The following GJC1 variants were observed in gnomAD, a reference collection of about 807,000 sequenced individuals.
GJC1 encodes gap junction protein gamma 1, also known as gap junction gamma-1 protein.
In GJC1, 5 loss-of-function variants were observed where a neutral mutation model predicts 29.3. The ratio of observed to expected loss-of-function variants is 0.17; its 90% CI spans 0.09 to 0.36. GJC1 has a LOEUF of 0.36. Among genes scored for constraint, GJC1 ranks in the 10% least tolerant of loss-of-function variants. The probability of loss-of-function intolerance (pLI) is 1.00; values close to 1 mark genes in which losing one functional copy is unlikely to be tolerated. For missense variants in GJC1, 310 were observed against 496.2 expected (o/e 0.62, Z 3.56); for synonymous variants, 177 against 183.3 (o/e 0.97, Z 0.28).
Position 44,805,362 on chromosome 17 carries a change from A to G in GJC1, c.456T>C (p.Asn152=), listed in dbSNP as rs1306748022. Residue 152 remains asparagine, a synonymous_variant, in exon 3 of 3, where the codon AAT becomes AAC. Transcript: ENST00000592524. This position sits in a 1 kb window ranked among gnomAD's most constrained non-coding sequence, Gnocchi z 5.1. ...PEMELESDKE[N]KEQSQPKPKH... ...TAGGTTTGGGTTGGCTCTGCTCTTTATTTTCCTTATCACTTTCTAACTCCA... is the reference window on the plus strand; with the variant it reads ...TAGGTTTGGGTTGGCTCTGCTCTTTGTTTTCCTTATCACTTTCTAACTCCA... 6.2e-7 allele frequency: 1 copy of G among 1,613,954 alleles called. No homozygotes were observed. Among genetic ancestry groups the G allele is most frequent in the South Asian group, 1.1e-5 (1 of 91,068 alleles).
intron 1 of GJC1, among the ~76,000 whole-genome samples, chr17:44,812,392 C>T (rs2049993078): frequency 6.6e-6 from 1 of 152,140 alleles, no homozygotes; most frequent in African/African-American, 2.4e-5. Context: ...CCTATTGTTC[C>T]ATTACTGGAA....
chr17:44,830,944 CCA>C (rs1184148544), upstream of GJC1: 1 of 370,064 alleles, frequency 2.7e-6, no homozygotes, highest in Non-Finnish European at 4.8e-6. This position sits in a 1 kb window ranked among gnomAD's most constrained non-coding sequence, Gnocchi z 4.3. Flanking sequence ...ATAGGAATCC[CCA>C]GTTTTAAAAT....
chr17:44,823,559 CTTTT>C (rs201940220), intron 1 of GJC1, among the ~76,000 whole-genome samples: 1 of 150,844 alleles, frequency 6.6e-6, no homozygotes, highest in Non-Finnish European at 1.5e-5. Context: ...CTCTTTCCTC[CTTTT>C]TTTTAAAATT....
chr17:44,795,852 CG>C (rs531921617), downstream of GJC1, among the ~76,000 whole-genome samples: 56 of 152,348 alleles, frequency 3.7e-4, no homozygotes, highest in African/African-American at 1.3e-3. Context: ...TTCTGTATCC[CG>C]AGGTTCTTGC....
intron 1 of GJC1, among the ~76,000 whole-genome samples, chr17:44,820,017 C>G (rs1005187910): frequency 2.0e-5 from 3 of 152,148 alleles, no homozygotes; most frequent in Admixed American, 2.0e-4. Context: ...GCCACCACAC[C>G]TGGCTAATCA....
chr17:44,803,259 T>C lies in GJC1; in HGVS notation c.*1368A>G, dbSNP rs1055153444. On this transcript the variant is annotated 3_prime_UTR_variant, in exon 3 of 3. Transcript: ENST00000592524. ...GTGGAACAAAGTCCCCTTTAAACCT[T>C]TACCAAGCTCTTTCTCAGAAGCTCA... is the stretch of plus-strand genomic sequence containing the variant. 1 of 152,174 alleles carries C rather than the reference T, an allele frequency of 6.6e-6. No individual in the cohort carries two copies. The highest frequency in any genetic ancestry group is 2.4e-5 in the African/African-American group (1 of 41,436). 9.4% of individuals were successfully genotyped at this position (152,174 alleles called of 1,614,324 possible).
At position 44,809,103 on chromosome 17, in the gene GJC1, C is replaced by T. The variant is rs1597745071; in HGVS notation, c.-96-1634G>A. ...CTCAAAACAAAACAAAACAAACAAA[C>T]AAAAGAATCCAGCTGGGCATGGTGG... On this transcript the variant is annotated intron_variant, in intron 1 of 2. Transcript: ENST00000592524. Among the ~76,000 whole-genome samples, 3 of 146,906 alleles carry T rather than the reference C, an allele frequency of 2.0e-5. No homozygotes were observed. In the East Asian group the frequency reaches 5.8e-4, roughly 29 times the overall value.
rs554599016 is a variant in GJC1, at chr17:44,821,229, T to C, written c.-97+8833A>G. Among the ~76,000 whole-genome samples the C allele has an allele frequency of 5.3e-5, 8 of 152,304 alleles. No homozygotes were observed. The East Asian group carries it at 1.5e-3, about 29-fold the overall frequency. On this transcript the variant is annotated intron_variant, in intron 1 of 2. Coordinates refer to ENST00000592524, the MANE Select transcript of GJC1 (RefSeq NM_005497.4). ...ACAACATATCCTAAGTGGAACTGTC[T>C]TCATGCAAACAGGACAATATTGGAA...
At chr17:44,828,147 C>A (rs1037182732) in intron 1 of GJC1, among the ~76,000 whole-genome samples, 2 of 152,054 alleles carry the variant, frequency 1.3e-5, no homozygotes, top group Non-Finnish European at 2.9e-5. Flanking sequence ...CTGACTTATA[C>A]AAATATAAGA....
At chr17:44,826,919 A>G (rs2050182504) in intron 1 of GJC1, among the ~76,000 whole-genome samples, 1 of 152,228 alleles carries the variant, frequency 6.6e-6, no homozygotes. Context: ...AGCTGATATT[A>G]ACAGCTCAGA....
chr17:44,809,255 T>C (rs899767805), intron 1 of GJC1, among the ~76,000 whole-genome samples: 8 of 152,172 alleles, frequency 5.3e-5, no homozygotes, highest in Admixed American at 4.6e-4. Context: ...AGGGAGACTC[T>C]AACACAATAA....
intron 1 of GJC1, among the ~76,000 whole-genome samples, chr17:44,829,333 G>GTAGC (rs1320170231): frequency 2.6e-5 from 4 of 152,094 alleles, no homozygotes; most frequent in African/African-American, 4.8e-5. Context: ...AATCACAGCG[G>GTAGC]TAGCGCCTAC....
At position 44,820,777 on chromosome 17, in the gene GJC1, T is replaced by G. The variant is rs139440797; in HGVS notation, c.-97+9285A>C. Among the ~76,000 whole-genome samples, 521 of 152,274 alleles carry G rather than the reference T, an allele frequency of 3.4e-3. 4 individuals are homozygous for G. The highest frequency in any genetic ancestry group is 0.012 in the African/African-American group (497 of 41,554). ...TTATGTGCAGAGACCAGGAATCAATTAAAGGGTTTACAATGAAGTGTTGTT... is the reference window on the plus strand; with the variant it reads ...TTATGTGCAGAGACCAGGAATCAATGAAAGGGTTTACAATGAAGTGTTGTT... On this transcript the variant is annotated intron_variant, in intron 1 of 2. Coordinates refer to ENST00000592524, the MANE Select transcript of GJC1 (RefSeq NM_005497.4).
upstream of GJC1, chr17:44,830,703 T>G (rs559443717): frequency 9.0e-5 from 36 of 398,728 alleles, no homozygotes; most frequent in South Asian, 2.9e-3. The surrounding 1 kb of genome is among the most constrained non-coding windows in gnomAD (Gnocchi z 4.3). Context: ...GAGGCCTTGG[T>G]CCATTGTAGC....
chr17:44,811,638 C>T (rs1252070090), intron 1 of GJC1, among the ~76,000 whole-genome samples: 1 of 152,048 alleles, frequency 6.6e-6, no homozygotes, highest in Non-Finnish European at 1.5e-5. Flanking sequence ...CTGCCTGCCT[C>T]GGCCTTCCAA....
In GJC1 at chr17:44,804,030, T is replaced by A. The variant is rs1161697890; in HGVS notation, c.*597A>T. ...AGATTTCTCACATAAAAGAAAGATCTCAACCTCCTTCTACTGTGAACTTGC... is the reference window on the plus strand; with the variant it reads ...AGATTTCTCACATAAAAGAAAGATCACAACCTCCTTCTACTGTGAACTTGC... On this transcript the variant is annotated 3_prime_UTR_variant, in exon 3 of 3. Transcript: ENST00000592524. The A allele has an allele frequency of 6.6e-6, 1 of 152,192 alleles. No homozygotes were observed. The highest frequency in any genetic ancestry group is 1.5e-5 in the Non-Finnish European group (1 of 68,046). 9.4% of individuals were successfully genotyped at this position (152,192 alleles called of 1,614,324 possible). A position where few individuals can be genotyped will look rare whatever the true frequency, so the allele number is the denominator to read the frequency against.
At position 44,809,869 on chromosome 17, in the gene GJC1, T is replaced by C. The variant is rs2049955189; in HGVS notation, c.-96-2400A>G. On this transcript the variant is annotated intron_variant, in intron 1 of 2. Transcript: ENST00000592524. ...GGCGTGAGCCACCACGCCCAGCCTT[T>C]TTTTTTTTCCAGACAGTCTCGCTTT... 3.4e-5 allele frequency among the ~76,000 whole-genome samples: 5 copies of C among 145,682 alleles called. No homozygotes were observed. The Admixed American group carries it at 3.4e-4, about 10-fold the overall frequency.
rs750455856 is a variant in GJC1, at chr17:44,805,530, G to A, written c.288C>T (p.Ile96=). ...CGTGCTCCATTTTGGCAATCTTGTG[G>A]ATAGCATAGCCCAGGTACATCACAG... ...TPSVMYLGYA[I]HKIAKMEHGE... Residue 96 remains isoleucine (I), a synonymous_variant, in exon 3 of 3, where the codon ATC becomes ATT. Coordinates refer to ENST00000592524, the MANE Select transcript of GJC1 (RefSeq NM_005497.4). This position sits in a 1 kb window ranked among gnomAD's most constrained non-coding sequence, Gnocchi z 5.1. The A allele has an allele frequency of 6.2e-6, 10 of 1,614,102 alleles. No homozygotes were observed. The African/African-American group carries it at 1.2e-4, about 19-fold the overall frequency.
At chr17:44,810,046 T>C (rs1484836498) in intron 1 of GJC1, among the ~76,000 whole-genome samples, 1 of 150,930 alleles carries the variant, frequency 6.6e-6, no homozygotes, top group African/African-American at 2.4e-5. Context: ...TATTTTTTTG[T>C]AGAGACTGGG....
Sources: allele counts gnomAD v4.1 joint callset (sites outside exome capture counted in the v4.1 genomes callset), GRCh38; gene constraint gnomAD v4.1.1; non-coding constraint Gnocchi (gnomAD v3.1); transcripts MANE v1.5; gene names NCBI Gene and HGNC (gene_info 2026-07-23, HGNC 2026-07-21).